The following MMP27 variants were observed in gnomAD, a reference collection of about 807,000 sequenced individuals.
The protein encoded by MMP27 is matrix metallopeptidase 27, also known as matrix metalloproteinase-27.
Under a neutral mutation model 48.1 loss-of-function variants are expected in MMP27, and 51 were observed. That is an observed-to-expected ratio of 1.06 (90% CI 0.85 to 1.34). The LOEUF is 1.34. MMP27 is among the 40% of genes most tolerant of loss of function. The pLI, the probability that MMP27 is intolerant of heterozygous loss-of-function variation, is 0.00. For missense variants in MMP27, 698 were observed against 619.3 expected, an observed-to-expected ratio of 1.13 and a Z score of -1.35; for synonymous variants, 229 against 208.9, an observed-to-expected ratio of 1.10 and a Z score of -0.83.
chr11:102,696,702 A>G lies in MMP27; in HGVS notation c.753T>C (p.Asp251=), dbSNP rs1860835457. 6.2e-7 allele frequency: 1 copy of G among 1,613,716 alleles called. No homozygotes were observed. Among genetic ancestry groups the G allele is most frequent in the East Asian group, 2.2e-5 (1 of 44,854 alleles). ...AGATGGACTGGATTCCATTGATATC[A>G]TCCTGAGAAAGTGGGTATTTTCTGG... is the stretch of plus-strand genomic sequence containing the variant. ...LDPRKYPLSQ[D]DINGIQSIYG... The change falls in exon 5 of 10, where the codon GAT becomes GAC. Residue 251 remains aspartate (D), a synonymous_variant. Coordinates refer to ENST00000260229, the MANE Select transcript of MMP27 (RefSeq NM_022122.3).
intron 4 of MMP27, among the ~76,000 whole-genome samples, chr11:102,701,918 C>A (rs1395888227): frequency 6.6e-6 from 1 of 152,144 alleles, no homozygotes; most frequent in African/African-American, 2.4e-5. Flanking sequence ...GTATACTATC[C>A]ATCAGGACCA....
At chr11:102,705,532 T>C (rs1190339162) in intron 1 of MMP27, 81 bp downstream of exon 1, 1 of 874,848 alleles carries the variant, frequency 1.1e-6, no homozygotes, top group East Asian at 2.9e-5. Context: ...TGCAGGAATG[T>C]GTTTTCTTTT....
At chr11:102,703,858 A>G (rs926543001) in intron 2 of MMP27, among the ~76,000 whole-genome samples, 5 of 152,204 alleles carry the variant, frequency 3.3e-5, no homozygotes, top group African/African-American at 1.2e-4. Flanking sequence ...AACCACAAGA[A>G]TTGCTCAGGA....
intron 4 of MMP27, among the ~76,000 whole-genome samples, chr11:102,699,009 A>G (rs1358313354): frequency 6.7e-6 from 1 of 149,714 alleles, no homozygotes; most frequent in Non-Finnish European, 1.5e-5. Context: ...TGACTGCTTA[A>G]TAATGATTAA....
chr11:102,691,940 G>A lies in MMP27; in HGVS notation c.1368C>T (p.Ile456=). Residue 456 remains isoleucine, a synonymous_variant, in exon 10 of 10, where the codon ATC becomes ATT. Transcript: ENST00000260229. Reference sequence around the variant, plus strand: ...ATTGAAACCAAGTATTAGTTCTCATGATTCGGGTAATATTCTTTGTCTTAA... The same window carrying A: ...ATTGAAACCAAGTATTAGTTCTCATAATTCGGGTAATATTCTTTGTCTTAA... ...YDIKTKNITR[I]MRTNTWFQCK... 3.7e-6 allele frequency: 6 copies of A among 1,613,242 alleles called. No homozygotes were observed. The highest frequency in any genetic ancestry group is 5.1e-6 in the Non-Finnish European group (6 of 1,179,634).
At chr11:102,694,279 C>A (rs1362568042) in intron 7 of MMP27, among the ~76,000 whole-genome samples, 1 of 152,104 alleles carries the variant, frequency 6.6e-6, no homozygotes, top group African/African-American at 2.4e-5. Context: ...GTATGCGTAC[C>A]TTTGTCAATT....
chr11:102,705,481 T>A (rs1861029676), intron 1 of MMP27, 132 bp downstream of exon 1: 2 of 571,754 alleles, frequency 3.5e-6, no homozygotes, highest in Admixed American at 3.9e-5. Flanking sequence ...GATAGACAAA[T>A]GAAAAGCAGT....
chr11:102,693,259 AC>A (rs1440989455), intron 8 of MMP27, among the ~76,000 whole-genome samples: 3 of 152,244 alleles, frequency 2.0e-5, no homozygotes, highest in Admixed American at 2.0e-4. Context: ...AAAGGGCACA[AC>A]ATATGTTAGA....
At chr11:102,694,839 A>G in intron 7 of MMP27, 128 bp downstream of exon 7, 1 of 979,190 alleles carries the variant, frequency 1.0e-6, no homozygotes, top group Non-Finnish European at 1.5e-6. Context: ...TTACGACAGG[A>G]ACCTAAGATG....
Position 102,705,695 on chromosome 11 carries a change from A to G in MMP27, c.20T>C (p.Leu7Pro). MKRLLLLFLFFITFSSA... is the reference protein window; with the variant it reads MKRLLLPFLFFITFSSA... The stretch of plus-strand genomic sequence containing the variant: ...AGAAAATGTTATAAAGAACAAAAAC[A>G]GAAGCAGAAGGCGCTTCATTCCTCT... Residue 7 changes from leucine to proline, a missense_variant, in exon 1 of 10, where the codon CTG (leucine) becomes CCG (proline). Physicochemically the swap from Leu to Pro is moderately conservative, Grantham distance 98. Coordinates refer to ENST00000260229, the MANE Select transcript of MMP27 (RefSeq NM_022122.3). 5 of 1,606,660 alleles carry G rather than the reference A, an allele frequency of 3.1e-6. No individual in the cohort carries two copies. The highest frequency in any genetic ancestry group is 4.2e-6 in the Non-Finnish European group (5 of 1,177,724).
At chr11:102,699,462 G>A (rs984046512) in intron 4 of MMP27, among the ~76,000 whole-genome samples, 7 of 151,864 alleles carry the variant, frequency 4.6e-5, no homozygotes, top group Non-Finnish European at 7.4e-5. Flanking sequence ...AGTGAGACCC[G>A]GTCTCAAAAA....
chr11:102,693,814 G>A, intron 8 of MMP27, 92 bp downstream of exon 8: 2 of 1,077,950 alleles, frequency 1.9e-6, no homozygotes, highest in Non-Finnish European at 2.6e-6. Context: ...AAAATATTAT[G>A]GATTCATTTT....
At chr11:102,702,703 G>A in intron 4 of MMP27, 50 bp downstream of exon 4, 1 of 1,544,330 alleles carries the variant, frequency 6.5e-7, no homozygotes, top group South Asian at 1.3e-5. Flanking sequence ...ATTCTTTTCA[G>A]GGATTCTTTA....
chr11:102,696,293 G>T, intron 6 of MMP27, 78 bp downstream of exon 6: 2 of 1,495,890 alleles, frequency 1.3e-6, no homozygotes, highest in South Asian at 1.2e-5. Context: ...CTAGCCCCAT[G>T]ACTACCTCTT....
chr11:102,692,441 G>T lies in MMP27; in HGVS notation c.1298-431C>A, dbSNP rs113326896. Among the ~76,000 whole-genome samples, 405 of 152,304 alleles carry T rather than the reference G, an allele frequency of 2.7e-3. 1 individual carries two copies. Among genetic ancestry groups the T allele is most frequent in the African/African-American group, 8.8e-3 (367 of 41,560 alleles). On this transcript the variant is annotated intron_variant, in intron 9 of 9. Transcript: ENST00000260229. ...GTAATAATAGATCATGTCACTCAAA[G>T]ATATTTCTAGATTACCCCATGGTCT...
rs563225847 is a variant in MMP27, at chr11:102,704,607, A to G, written c.271T>C (p.Cys91Arg). ...TACTGGCCCACATCAGGCACCCCAC[A>G]CCTGGGTGTCTTCATGATCTCAAGG... Reference protein sequence around the residue: ...NTLEIMKTPRCGVPDVGQYGY... With the variant: ...NTLEIMKTPRRGVPDVGQYGY... The change falls in exon 2 of 10, where the codon TGT becomes CGT. Residue 91 changes from cysteine to arginine, a missense_variant. Coordinates refer to ENST00000260229, the MANE Select transcript of MMP27 (RefSeq NM_022122.3). 2.8e-5 allele frequency: 46 copies of G among 1,614,154 alleles called. No individual in the cohort carries two copies. In the African/African-American group the frequency reaches 5.2e-4, roughly 18 times the overall value.
chr11:102,692,816 T>C (rs932131024), intron 9 of MMP27, 122 bp downstream of exon 9: 1 of 691,650 alleles, frequency 1.4e-6, no homozygotes, highest in Non-Finnish European at 2.5e-6. Context: ...ATGTTTATTA[T>C]TGTATATACT....
chr11:102,696,749 G>A lies in MMP27; in HGVS notation c.706C>T (p.Pro236Ser). The change falls in exon 5 of 10, where the codon CCA becomes TCA. Residue 236 changes from proline (P) to serine (S), a missense_variant. Physicochemically the swap from Pro to Ser is moderately conservative, Grantham distance 74. Coordinates refer to ENST00000260229, the MANE Select transcript of MMP27 (RefSeq NM_022122.3). Reference protein sequence around the residue: ...HSNDQTALMFPNYVSLDPRKY... With the variant: ...HSNDQTALMFSNYVSLDPRKY... ...CTGGGATCCAGGGAGACATAATTTG[G>A]GAACATCAAGGCTGTTTGATCATTG... The A allele has an allele frequency of 6.2e-7, 1 of 1,613,790 alleles. No individual in the cohort carries two copies. Among genetic ancestry groups the A allele is most frequent in the Non-Finnish European group, 8.5e-7 (1 of 1,179,886 alleles).
In MMP27 at chr11:102,702,839, A is replaced by C. The variant is rs768502883; in HGVS notation, c.533T>G (p.Val178Gly). 1 of 1,613,986 alleles carries C rather than the reference A, an allele frequency of 6.2e-7. No homozygotes were observed. ...ACCAGGAGGAAAGGCATGGCCAAGC[A>C]CTCCCAAGGGACCATCAAAATAGCG... ...CPRYFDGPLG[V>G]LGHAFPPGPG... Residue 178 changes from valine (V) to glycine (G), a missense_variant, in exon 4 of 10, where the codon GTG becomes GGG. Val to Gly is a moderately radical substitution (Grantham distance 109). Transcript: ENST00000260229.
Sources: gnomAD v4.1 joint callset for allele counts (sites outside exome capture counted in the v4.1 genomes callset) on GRCh38, gnomAD v4.1.1 for gene constraint, MANE v1.5 for transcripts, NCBI Gene and HGNC (gene_info 2026-07-23, HGNC 2026-07-21) for gene names.